The following DSCAM variants were observed in gnomAD, a reference collection of about 807,000 sequenced individuals.
DSCAM encodes the protein DS cell adhesion molecule.
DSCAM carries 47 observed loss-of-function variants against 217.7 expected under a neutral mutation model. The observed-to-expected ratio is 0.22, with a 90% CI of 0.17 to 0.28. DSCAM has a LOEUF of 0.28. DSCAM is among the 10% of genes least tolerant of loss of function. The pLI is 1.00. For synonymous variants in DSCAM, 1,056 were observed against 1,015.3 expected (o/e 1.04, Z -0.76); for missense variants, 2,080 against 2,618.3 (o/e 0.79, Z 4.49).
intron 9 of DSCAM, among the ~76,000 whole-genome samples, chr21:40,309,572 C>A (rs2123484568): frequency 6.6e-6 from 1 of 152,256 alleles, no homozygotes; most frequent in Middle Eastern, 3.4e-3. Flanking sequence ...TCTCCCATAT[C>A]ATTGACCATT....
chr21:40,234,955 A>G (rs373416383), intron 11 of DSCAM, among the ~76,000 whole-genome samples: 91 of 152,284 alleles, frequency 6.0e-4, no homozygotes, highest in African/African-American at 2.1e-3. Flanking sequence ...TATGTCTGCA[A>G]TGATAGCAGA....
At chr21:40,307,661 T>C (rs2074093957) in intron 9 of DSCAM, among the ~76,000 whole-genome samples, 1 of 152,230 alleles carries the variant, frequency 6.6e-6, no homozygotes, top group Non-Finnish European at 1.5e-5. Flanking sequence ...CTATTCACAA[T>C]AGCAAAGACT....
intron 32 of DSCAM, among the ~76,000 whole-genome samples, chr21:40,041,579 C>T (rs1034576567): frequency 6.6e-6 from 1 of 152,158 alleles, no homozygotes; most frequent in African/African-American, 2.4e-5. Flanking sequence ...TGGCCCATGT[C>T]CGCCTCGCTC....
chr21:40,344,623 C>A (rs1413571186), intron 6 of DSCAM, among the ~76,000 whole-genome samples: 1 of 152,146 alleles, frequency 6.6e-6, no homozygotes, highest in African/African-American at 2.4e-5. Context: ...CCAAAATATC[C>A]GATGAATCAT....
intron 11 of DSCAM, among the ~76,000 whole-genome samples, chr21:40,254,066 G>A (rs924931377): frequency 1.3e-5 from 2 of 152,168 alleles, no homozygotes; most frequent in African/African-American, 4.8e-5. Context: ...ACGAACTCCA[G>A]GTAATTAGTG....
At chr21:40,111,616 C>G (rs1405821001) in intron 20 of DSCAM, among the ~76,000 whole-genome samples, 4 of 152,140 alleles carry the variant, frequency 2.6e-5, no homozygotes, top group Non-Finnish European at 5.9e-5. Context: ...AAGACACTGA[C>G]TGGCAAATTG....
intron 3 of DSCAM, chr21:40,383,028 A>G (rs2075042562): frequency 6.6e-6 from 1 of 152,196 alleles, no homozygotes; most frequent in Admixed American, 6.6e-5. Context: ...ATGTAAAGAG[A>G]GATTGGAAAT....
chr21:40,507,618 C>A (rs994726193), intron 3 of DSCAM, among the ~76,000 whole-genome samples: 1 of 151,910 alleles, frequency 6.6e-6, no homozygotes, highest in Non-Finnish European at 1.5e-5. Context: ...TGGTGAAACC[C>A]CTCTCTACAA....
intron 1 of DSCAM, among the ~76,000 whole-genome samples, chr21:40,732,035 C>T (rs903659467): frequency 6.6e-6 from 1 of 152,060 alleles, no homozygotes; most frequent in Admixed American, 6.6e-5. Flanking sequence ...TGCTTAATTA[C>T]CTCTTTAAAA....
intron 3 of DSCAM, among the ~76,000 whole-genome samples, chr21:40,378,554 ATTTTTTTT>A (rs71186931): frequency 5.3e-5 from 4 of 75,642 alleles, no homozygotes; most frequent in Non-Finnish European, 7.4e-5. Flanking sequence ...ATGAAAACTT[ATTTTTTTT>A]TTTTTTTTTT....
chr21:40,071,109 T>C (rs559329780), intron 27 of DSCAM, among the ~76,000 whole-genome samples: 1 of 152,310 alleles, frequency 6.6e-6, no homozygotes, highest in South Asian at 2.1e-4. Flanking sequence ...ATATTGGAGT[T>C]GATTACTTGA....
intron 3 of DSCAM, among the ~76,000 whole-genome samples, chr21:40,512,541 G>A (rs1275619511): frequency 6.6e-6 from 1 of 152,016 alleles, no homozygotes; most frequent in African/African-American, 2.4e-5. Context: ...TCACGTTTGC[G>A]GCATTGTTCT....
intron 3 of DSCAM, among the ~76,000 whole-genome samples, chr21:40,558,564 T>C (rs182431156): frequency 1.6e-4 from 24 of 152,302 alleles, no homozygotes; most frequent in Admixed American, 1.5e-3. Flanking sequence ...AACAGAGCAG[T>C]CTGCAAACGG....
At chr21:40,130,980 T>C (rs1568956894) in intron 19 of DSCAM, among the ~76,000 whole-genome samples, 1 of 152,222 alleles carries the variant, frequency 6.6e-6, no homozygotes, top group African/African-American at 2.4e-5. Context: ...GTAGCTATCT[T>C]TCTTCGCTTG....
At chr21:40,583,697 C>A (rs2076922111) in intron 3 of DSCAM, among the ~76,000 whole-genome samples, 4 of 152,046 alleles carry the variant, frequency 2.6e-5, no homozygotes, top group Admixed American at 2.6e-4. Context: ...CTAATAAACA[C>A]CCAGAGTGAA....
chr21:40,346,383 A>G (rs1381519010), intron 6 of DSCAM, among the ~76,000 whole-genome samples: 1 of 152,246 alleles, frequency 6.6e-6, no homozygotes, highest in Non-Finnish European at 1.5e-5. Flanking sequence ...AGCTAAGGTT[A>G]AAAAAGAATG....
chr21:40,173,355 T>G (rs1301398912), intron 15 of DSCAM, among the ~76,000 whole-genome samples: 1 of 152,136 alleles, frequency 6.6e-6, no homozygotes, highest in African/African-American at 2.4e-5. Flanking sequence ...TTTCAGAACA[T>G]TCCAGAACTG....
At chr21:40,313,343 C>T (rs904192457) in intron 8 of DSCAM, among the ~76,000 whole-genome samples, 1 of 152,070 alleles carries the variant, frequency 6.6e-6, no homozygotes, top group Non-Finnish European at 1.5e-5. Context: ...CTAAGGAGGT[C>T]GGGTTATAGC....
At chr21:40,671,046 GC>G (rs985752053) in intron 3 of DSCAM, among the ~76,000 whole-genome samples, 1 of 152,152 alleles carries the variant, frequency 6.6e-6, no homozygotes, top group Admixed American at 6.5e-5. Context: ...ATACTACTTT[GC>G]CATATGAAAG....
Sources: allele counts gnomAD v4.1 joint callset (sites outside exome capture counted in the v4.1 genomes callset), GRCh38; gene constraint gnomAD v4.1.1; transcripts MANE v1.5; gene names NCBI Gene and HGNC (gene_info 2026-07-23, HGNC 2026-07-21).